ATL1: variants seen among roughly 807,000 people sequenced by gnomAD.
ATL1 encodes atlastin-1.
Under a neutral mutation model 75.5 loss-of-function variants are expected in ATL1, and 31 were observed. The observed-to-expected ratio is 0.41, with a 90% CI of 0.31 to 0.55. ATL1 has a LOEUF of 0.55. Ranked by LOEUF, ATL1 falls within the 20% of genes least tolerant of loss-of-function variation. The pLI is 0.27. For synonymous variants in ATL1, 226 were observed against 233.3 expected, an observed-to-expected ratio of 0.97 and a Z score of 0.28; for missense variants, 405 against 662.6, an observed-to-expected ratio of 0.61 and a Z score of 4.27.
At chr14:50,576,850 T>C (rs2039010480) in intron 1 of ATL1, among the ~76,000 whole-genome samples, 1 of 152,168 alleles carries the variant, frequency 6.6e-6, no homozygotes, top group Non-Finnish European at 1.5e-5. Context: ...GTGCTGGGAT[T>C]ACAGATATGA....
In ATL1 at chr14:50,632,309, T is replaced by C. The variant is rs1412372658; in HGVS notation, c.1647T>C (p.Ser549=). The C allele has an allele frequency of 6.2e-7, 1 of 1,612,910 alleles. No homozygotes were observed. The highest frequency in any genetic ancestry group is 8.5e-7 in the Non-Finnish European group (1 of 1,179,166). Residue 549 remains serine (S), a synonymous_variant, in exon 14 of 14, where the codon TCT becomes TCC. Transcript: ENST00000358385. ...CTTTCCCTACACCAAAGTCGGAATC[T>C]ACTGAACAATCAGAAAAGAAAAAAA... ...HQAFPTPKSE[S]TEQSEKKKM
chr14:50,549,607 C>G (rs1217303608), intron 1 of ATL1, among the ~76,000 whole-genome samples: 1 of 152,162 alleles, frequency 6.6e-6, no homozygotes. Context: ...CATCAAGTGT[C>G]TCACTGCTCT....
At chr14:50,549,341 C>T (rs1257025259) in intron 1 of ATL1, among the ~76,000 whole-genome samples, 1 of 152,204 alleles carries the variant, frequency 6.6e-6, no homozygotes, top group East Asian at 1.9e-4. Flanking sequence ...GCATCTCCAT[C>T]CTCTATGCAG....
At chr14:50,590,791 G>C in intron 2 of ATL1, 150 bp from the exon 3 acceptor site, 1 of 755,974 alleles carries the variant, frequency 1.3e-6, no homozygotes, top group Non-Finnish European at 2.1e-6. Flanking sequence ...TTATTTTTTG[G>C]ATGAATAAAG....
At chr14:50,614,656 T>A (rs1253547058) in intron 8 of ATL1, 145 bp downstream of exon 8, 1 of 933,412 alleles carries the variant, frequency 1.1e-6, no homozygotes, top group East Asian at 2.6e-5. Flanking sequence ...TAGGGCATCC[T>A]GGGCTGGTGC....
chr14:50,632,451 C>A lies in ATL1; in HGVS notation c.*112C>A. ...CATCAGAACGGAGTAAAATACTAAA[C>A]ACCTCTGAAGACTGCAAACTGGATT... On this transcript the variant is annotated 3_prime_UTR_variant, in exon 14 of 14. Coordinates refer to ENST00000358385, the MANE Select transcript of ATL1 (RefSeq NM_015915.5). The A allele has an allele frequency of 1.3e-6, 1 of 765,122 alleles. No homozygotes were observed. The highest frequency in any genetic ancestry group is 1.5e-5 in the South Asian group (1 of 67,740). 47.4% of individuals were successfully genotyped at this position (765,122 alleles called of 1,614,324 possible).
At chr14:50,585,289 C>T (rs749729345) in intron 1 of ATL1, among the ~76,000 whole-genome samples, 4 of 152,166 alleles carry the variant, frequency 2.6e-5, no homozygotes, top group Non-Finnish European at 4.4e-5. Flanking sequence ...TATGTGCATT[C>T]TCCAGTACCT....
At chr14:50,552,815 A>G (rs1442401567) in intron 1 of ATL1, among the ~76,000 whole-genome samples, 2 of 152,234 alleles carry the variant, frequency 1.3e-5, no homozygotes, top group African/African-American at 4.8e-5. Context: ...AGCCACATGT[A>G]GAATGAAACT....
In ATL1 at chr14:50,544,936, CAAAAAAAAAA is replaced by C. The variant is rs35420627; in HGVS notation, c.-140+11586_-140+11595del. On this transcript the variant is annotated intron_variant, in intron 1 of 13. Transcript: ENST00000441560. ...TGAGTGACAGAGTGAGACCCACTCT[CAAAAAAAAAA>C]AAAAAAAAAAAAAAAAGAAGCCAAC... Among the ~76,000 whole-genome samples, 15 of 58,476 alleles carry C rather than the reference CAAAAAAAAAA, an allele frequency of 2.6e-4. No individual in the cohort carries two copies. The East Asian group carries it at 8.0e-3, about 31-fold the overall frequency. The allele number at this position is 58,476 out of a possible 152,430, so 38.4% of individuals were successfully genotyped here.
chr14:50,560,372 CAG>C (rs1392296865), intron 1 of ATL1, 73 bp downstream of exon 1: 1 of 1,564,736 alleles, frequency 6.4e-7, no homozygotes, highest in Non-Finnish European at 8.7e-7. Context: ...TCTGTGGAGA[CAG>C]GGAGGGCCAA....
At chr14:50,545,156 T>C (rs1014661890) in intron 1 of ATL1, among the ~76,000 whole-genome samples, 3 of 152,030 alleles carry the variant, frequency 2.0e-5, no homozygotes, top group Non-Finnish European at 2.9e-5. Context: ...TCAAACACAG[T>C]AGGCAAAGAG....
At chr14:50,583,706 T>C (rs1027853474) in intron 1 of ATL1, among the ~76,000 whole-genome samples, 4 of 152,202 alleles carry the variant, frequency 2.6e-5, no homozygotes, top group African/African-American at 9.7e-5. Context: ...AATATTTATA[T>C]GGAAAGGGTT....
In ATL1 at chr14:50,623,334, T is replaced by C. The variant is rs1473911091; in HGVS notation, c.1119+86T>C. ...TTCTCTTTTTTCTTCCATGTTACAC[T>C]GTACACACATGCAATGAGGTGGCTT... On this transcript the variant is annotated intron_variant, in intron 11 of 13. Transcript: ENST00000358385. The C allele has an allele frequency of 3.6e-5, 37 of 1,028,472 alleles. No homozygotes were observed. In the Middle Eastern group the frequency reaches 8.0e-4, roughly 22 times the overall value. The allele number at this position is 1,028,472 out of a possible 1,614,324, so 63.7% of individuals were successfully genotyped here.
chr14:50,548,753 G>A lies in ATL1; in HGVS notation c.-139-11374G>A, dbSNP rs1348946904. Among the ~76,000 whole-genome samples, 8 of 152,016 alleles carry A rather than the reference G, an allele frequency of 5.3e-5. No individual in the cohort carries two copies. In the South Asian group the frequency reaches 6.2e-4, roughly 12 times the overall value. On this transcript the variant is annotated intron_variant, in intron 1 of 13. Coordinates refer to the ATL1 transcript ENST00000441560. ...TCTCGATCTCCTGACCTTGTGATCCGCCTGCCTCAGCCTCCCAAAGTACTG... is the reference window on the plus strand; with the variant it reads ...TCTCGATCTCCTGACCTTGTGATCCACCTGCCTCAGCCTCCCAAAGTACTG...
At chr14:50,545,093 C>A (rs1246917848) in intron 1 of ATL1, among the ~76,000 whole-genome samples, 1 of 152,078 alleles carries the variant, frequency 6.6e-6, no homozygotes, top group Non-Finnish European at 1.5e-5. Flanking sequence ...TTCTGAGAAC[C>A]CAAACATCAT....
chr14:50,629,463 C>T (rs917925360), intron 12 of ATL1, among the ~76,000 whole-genome samples: 1 of 152,016 alleles, frequency 6.6e-6, no homozygotes, highest in African/African-American at 2.4e-5. Flanking sequence ...TGCCTGTAAT[C>T]CCAGCTACTC....
chr14:50,621,329 A>G (rs1016855345), intron 9 of ATL1, among the ~76,000 whole-genome samples: 1 of 152,202 alleles, frequency 6.6e-6, no homozygotes, highest in African/African-American at 2.4e-5. Flanking sequence ...TTTAAAATTC[A>G]TGTTTTGTCA....
chr14:50,546,223 G>GGATT (rs569117037), intron 1 of ATL1, among the ~76,000 whole-genome samples: 6 of 152,268 alleles, frequency 3.9e-5, no homozygotes, highest in African/African-American at 9.6e-5. Flanking sequence ...AGCCTTCACT[G>GGATT]GATTACCTAT....
chr14:50,581,065 G>A (rs1171219083), intron 1 of ATL1, among the ~76,000 whole-genome samples: 1 of 151,066 alleles, frequency 6.6e-6, no homozygotes, highest in Non-Finnish European at 1.5e-5. Flanking sequence ...GTAATTTGTG[G>A]GTTTTTTCTC....
Sources: gnomAD v4.1 joint callset for allele counts (sites outside exome capture counted in the v4.1 genomes callset) on GRCh38, gnomAD v4.1.1 for gene constraint, MANE v1.5 for transcripts, NCBI Gene and HGNC (gene_info 2026-07-23, HGNC 2026-07-21) for gene names.